Variants in RTN1 observed in about 807,000 individuals in gnomAD.
The protein encoded by RTN1 is reticulon-1.
In RTN1, 25 loss-of-function variants were observed where a neutral mutation model predicts 65.5. The observed-to-expected ratio is 0.38, with a 90% CI of 0.28 to 0.53. The LOEUF (loss-of-function observed/expected upper bound fraction) is 0.53. Ranked by LOEUF, RTN1 falls within the 20% of genes least tolerant of loss-of-function variation. RTN1 has a pLI of 0.79. For missense variants in RTN1, 983 were observed against 1,025.4 expected (o/e 0.96, Z 0.57); for synonymous variants, 471 against 447.6 (o/e 1.05, Z -0.66).
At chr14:59,800,891 G>C (rs147386695) in intron 1 of RTN1, among the ~76,000 whole-genome samples, 2 of 151,912 alleles carry the variant, frequency 1.3e-5, no homozygotes, top group Non-Finnish European at 2.9e-5. Flanking sequence ...AATTTCACCA[G>C]AGGAGTAAAA....
chr14:59,859,294 T>C (rs181347158), intron 1 of RTN1, among the ~76,000 whole-genome samples: 8 of 152,334 alleles, frequency 5.3e-5, no homozygotes, highest in Admixed American at 5.2e-4. Flanking sequence ...GTTCTCGTGA[T>C]AGCGAGATCT....
At chr14:59,802,371 T>C (rs1157256094) in intron 1 of RTN1, among the ~76,000 whole-genome samples, 4 of 152,158 alleles carry the variant, frequency 2.6e-5, no homozygotes, top group African/African-American at 4.8e-5. Context: ...ACTAGAAAAA[T>C]ACATGGCACT....
chr14:59,754,561 C>T (rs1885597840), intron 1 of RTN1, among the ~76,000 whole-genome samples: 1 of 152,104 alleles, frequency 6.6e-6, no homozygotes, highest in Non-Finnish European at 1.5e-5. Context: ...TCGGTTAATC[C>T]ATCTTTAAGA....
At chr14:59,641,417 T>C (rs1264995293) in intron 3 of RTN1, among the ~76,000 whole-genome samples, 3 of 152,236 alleles carry the variant, frequency 2.0e-5, no homozygotes, top group African/African-American at 4.8e-5. Flanking sequence ...TCACCCAGGC[T>C]GGAGTGCAGT....
chr14:59,749,118 A>C (rs75828301), intron 1 of RTN1, among the ~76,000 whole-genome samples: 6,893 of 56,750 alleles, frequency 0.12, 1,265 homozygotes, highest in African/African-American at 0.37. Flanking sequence ...ATATATATAT[A>C]TATATAGATA....
chr14:59,707,670 TTCTC>T (rs148218611), intron 3 of RTN1, among the ~76,000 whole-genome samples: 5 of 148,662 alleles, frequency 3.4e-5, no homozygotes, highest in Middle Eastern at 3.5e-3. Flanking sequence ...TGCTTGATAA[TTCTC>T]TCTCTCTCTC....
intron 3 of RTN1, chr14:59,647,085 T>A (rs2140196238): frequency 6.6e-6 from 1 of 152,312 alleles, no homozygotes; most frequent in East Asian, 1.9e-4. Context: ...GACATCCATA[T>A]GCTCAAAATA....
chr14:59,790,190 G>C lies in RTN1; in HGVS notation c.242-43709C>G, dbSNP rs1458512409. ...AGTTCAAATAACAGAGTCTAGTCGT[G>C]TGTCTTGGGAGATTTTAACTAGTCT... On this transcript the variant is annotated intron_variant, in intron 1 of 8. Transcript: ENST00000267484. This position sits in a 1 kb window ranked among gnomAD's most constrained non-coding sequence, Gnocchi z 4.1. Among the ~76,000 whole-genome samples, 4 of 151,984 alleles carry C rather than the reference G, an allele frequency of 2.6e-5. No homozygotes were observed. The highest frequency in any genetic ancestry group is 4.4e-5 in the Non-Finnish European group (3 of 67,928).
intron 3 of RTN1, among the ~76,000 whole-genome samples, chr14:59,700,067 AT>A (rs1884146506): frequency 6.6e-6 from 1 of 152,162 alleles, no homozygotes; most frequent in Non-Finnish European, 1.5e-5. Context: ...CAAAGAAAAT[AT>A]GTGAGAAAAT....
At chr14:59,822,246 T>C (rs776881692) in intron 1 of RTN1, among the ~76,000 whole-genome samples, 1 of 152,208 alleles carries the variant, frequency 6.6e-6, no homozygotes, top group Non-Finnish European at 1.5e-5. Flanking sequence ...TGGGAGGTTG[T>C]ATGTTTCCAG....
intron 3 of RTN1, among the ~76,000 whole-genome samples, chr14:59,654,051 G>T (rs1302450835): frequency 6.6e-6 from 1 of 152,050 alleles, no homozygotes; most frequent in Non-Finnish European, 1.5e-5. Flanking sequence ...GAAAAACTCA[G>T]TTCCAGATGG....
At chr14:59,819,655 C>T (rs1477237336) in intron 1 of RTN1, among the ~76,000 whole-genome samples, 3 of 151,968 alleles carry the variant, frequency 2.0e-5, no homozygotes, top group Admixed American at 1.3e-4. Flanking sequence ...CAGGGGACGG[C>T]GCCCGTCGGG....
At chr14:59,599,936 C>T (rs972645393) in intron 8 of RTN1, among the ~76,000 whole-genome samples, 3 of 152,152 alleles carry the variant, frequency 2.0e-5, no homozygotes, top group East Asian at 1.9e-4. Context: ...CATTCTAAAA[C>T]ATAACTCACC....
At chr14:59,614,573 T>G (rs1405460307) in intron 3 of RTN1, among the ~76,000 whole-genome samples, 3 of 152,238 alleles carry the variant, frequency 2.0e-5, no homozygotes, top group Non-Finnish European at 4.4e-5. Context: ...ATTGGTAAAA[T>G]AAAATGTCTT....
chr14:59,753,693 C>G (rs1885576950), intron 1 of RTN1, among the ~76,000 whole-genome samples: 1 of 152,158 alleles, frequency 6.6e-6, no homozygotes, highest in African/African-American at 2.4e-5. Context: ...AGCCTGAAGG[C>G]CCAGGAAAGC....
intron 2 of RTN1, among the ~76,000 whole-genome samples, chr14:59,731,842 C>T (rs1265930997): frequency 1.3e-5 from 2 of 152,184 alleles, no homozygotes; most frequent in Non-Finnish European, 2.9e-5. Context: ...TGGTCTCCCC[C>T]AGAGTTCTTC....
At chr14:59,619,921 G>T (rs1566663134) in intron 3 of RTN1, among the ~76,000 whole-genome samples, 2 of 152,246 alleles carry the variant, frequency 1.3e-5, no homozygotes, top group Middle Eastern at 3.4e-3. Context: ...GAGTAGTGGG[G>T]ACGGAAGCCT....
chr14:59,819,143 A>C (rs1029911000), intron 1 of RTN1, among the ~76,000 whole-genome samples: 2 of 152,066 alleles, frequency 1.3e-5, no homozygotes, highest in Non-Finnish European at 2.9e-5. Context: ...CTGGCTTCAG[A>C]AGTGAAACTG....
chr14:59,601,864 C>T (rs1186464082), intron 8 of RTN1, among the ~76,000 whole-genome samples: 1 of 152,144 alleles, frequency 6.6e-6, no homozygotes, highest in Non-Finnish European at 1.5e-5. Flanking sequence ...CACCAAGTCT[C>T]ATACTGTGCT....
Sources: allele counts gnomAD v4.1 joint callset (sites outside exome capture counted in the v4.1 genomes callset), GRCh38; gene constraint gnomAD v4.1.1; non-coding constraint Gnocchi (gnomAD v3.1); transcripts MANE v1.5; gene names NCBI Gene and HGNC (gene_info 2026-07-23, HGNC 2026-07-21).